Variants in TPTE2 observed in about 807,000 individuals in gnomAD.
TPTE2 encodes transmembrane phosphoinositide 3-phosphatase and tensin homolog 2, also known as phosphatidylinositol 3,4,5-trisphosphate 3-phosphatase TPTE2.
TPTE2 carries 53 observed loss-of-function variants against 78.6 expected under a neutral mutation model. The observed-to-expected ratio is 0.67, with a 90% CI of 0.54 to 0.85. The LOEUF (loss-of-function observed/expected upper bound fraction) is 0.85, where lower values mean the gene tolerates loss of function less well. Ranked by LOEUF, TPTE2 falls within the 40% of genes least tolerant of loss-of-function variation. The pLI, the probability that TPTE2 is intolerant of heterozygous loss-of-function variation, is 0.00. For missense variants in TPTE2, 461 were observed against 623.0 expected (o/e 0.74, Z 2.77); for synonymous variants, 175 against 206.2 (o/e 0.85, Z 1.30).
upstream of TPTE2, among the ~76,000 whole-genome samples, chr13:19,541,440 C>CT (rs1378300183): frequency 6.6e-6 from 1 of 152,106 alleles, no homozygotes; most frequent in African/African-American, 2.4e-5. Context: ...ATCCTAATCA[C>CT]TTTTTTTATT....
At chr13:19,479,711 C>T (rs1002276005) in intron 4 of TPTE2, among the ~76,000 whole-genome samples, 1 of 152,046 alleles carries the variant, frequency 6.6e-6, no homozygotes, top group Non-Finnish European at 1.5e-5. Context: ...CGCCTGTAAT[C>T]CCAGCACTTT....
chr13:19,462,088 C>T (rs937151340), intron 10 of TPTE2, among the ~76,000 whole-genome samples: 9 of 132,444 alleles, frequency 6.8e-5, no homozygotes, highest in Non-Finnish European at 1.0e-4. Flanking sequence ...ATCCTTTGTT[C>T]TTTTCTTCAC....
chr13:19,505,669 A>G (rs1469940651), upstream of TPTE2: 2 of 152,038 alleles, frequency 1.3e-5, no homozygotes, highest in Non-Finnish European at 2.9e-5. Context: ...ATGGTGGTAG[A>G]ACTCTAGAGG....
chr13:19,464,758 T>C (rs896585246), intron 9 of TPTE2, among the ~76,000 whole-genome samples: 1 of 152,250 alleles, frequency 6.6e-6, no homozygotes, highest in Non-Finnish European at 1.5e-5. Context: ...GTATGCCATG[T>C]ACTTATGATG....
intron 10 of TPTE2, among the ~76,000 whole-genome samples, chr13:19,454,764 C>T (rs1218834617): frequency 6.6e-6 from 1 of 152,180 alleles, no homozygotes; most frequent in Non-Finnish European, 1.5e-5. Flanking sequence ...TCTTGATTTA[C>T]ATGCTAAAAG....
chr13:19,560,418 G>C, the TPTE2 span: 3 of 1,609,022 alleles, frequency 1.9e-6, no homozygotes, highest in Non-Finnish European at 2.5e-6. Flanking sequence ...CCAGGACTAA[G>C]TCCTCAGCGA....
upstream of TPTE2, among the ~76,000 whole-genome samples, chr13:19,540,311 G>T (rs202170002): frequency 8.7e-4 from 41 of 47,308 alleles, no homozygotes; most frequent in Non-Finnish European, 2.0e-3. Context: ...TATTATTATG[G>T]TTTTTTTTAA....
intron 15 of TPTE2, among the ~76,000 whole-genome samples, chr13:19,433,868 C>G (rs778672154): frequency 6.6e-6 from 1 of 152,206 alleles, no homozygotes; most frequent in South Asian, 2.1e-4. Context: ...GTTAGGGAAA[C>G]TATGCATGAC....
intron 16 of TPTE2, 95 bp from the exon 20 acceptor site, chr13:19,430,642 T>G: frequency 2.5e-6 from 2 of 798,078 alleles, no homozygotes; most frequent in Middle Eastern, 2.3e-4. Context: ...AGAGAAAAAA[T>G]TATCCAAGCT....
At chr13:19,446,333 G>A (rs1244361036) in intron 13 of TPTE2, among the ~76,000 whole-genome samples, 1 of 152,180 alleles carries the variant, frequency 6.6e-6, no homozygotes, top group Non-Finnish European at 1.5e-5. Context: ...AAGTGTGGTA[G>A]AGAGAACTTA....
At chr13:19,438,983 G>A (rs1877305299) in intron 13 of TPTE2, among the ~76,000 whole-genome samples, 1 of 152,156 alleles carries the variant, frequency 6.6e-6, no homozygotes, top group Non-Finnish European at 1.5e-5. Flanking sequence ...CCCAAGCCTT[G>A]GAGCTCATTT....
upstream of TPTE2, among the ~76,000 whole-genome samples, chr13:19,540,807 C>T (rs1871418015): frequency 6.6e-6 from 1 of 152,126 alleles, no homozygotes; most frequent in Non-Finnish European, 1.5e-5. Context: ...CAAATAAATT[C>T]TGTTAATTCT....
chr13:19,510,760 C>T (rs963329747), intron 1 of TPTE2, among the ~76,000 whole-genome samples: 3 of 152,044 alleles, frequency 2.0e-5, no homozygotes, highest in African/African-American at 7.2e-5. Context: ...AAAAACAACA[C>T]ATGTAAATTA....
intron 17 of TPTE2, among the ~76,000 whole-genome samples, chr13:19,427,380 G>T (rs1876210136): frequency 1.3e-5 from 2 of 152,114 alleles, no homozygotes; most frequent in South Asian, 4.1e-4. Context: ...ACCGTGCCCG[G>T]CCGTGAGGCA....
At chr13:19,479,020 G>T (rs9506044) in intron 4 of TPTE2, among the ~76,000 whole-genome samples, 2 of 151,856 alleles carry the variant, frequency 1.3e-5, no homozygotes, top group African/African-American at 2.4e-5. Flanking sequence ...GGGGTGGGGG[G>T]ATTGGGGAGG....
chr13:19,499,186 A>G (rs1881591999), intron 1 of TPTE2, among the ~76,000 whole-genome samples: 1 of 152,220 alleles, frequency 6.6e-6, no homozygotes, highest in Non-Finnish European at 1.5e-5. Context: ...TTAGACTCCC[A>G]CACATTAATA....
intron 1 of TPTE2, among the ~76,000 whole-genome samples, chr13:19,512,181 T>C (rs550379849): frequency 3.9e-5 from 6 of 152,354 alleles, no homozygotes; most frequent in African/African-American, 1.4e-4. Context: ...TAAAAGGCCA[T>C]GAAATTATTT....
intron 4 of TPTE2, among the ~76,000 whole-genome samples, chr13:19,476,021 C>T (rs572409961): frequency 3.3e-5 from 5 of 152,234 alleles, no homozygotes; most frequent in Non-Finnish European, 7.4e-5. Flanking sequence ...TCAGTTTCCA[C>T]TGCAATAAAA....
rs1180231966 is a variant in TPTE2 at position 19,425,951 on chromosome 13, C to A, written c.1395+474G>T. ...TTTCTAGTCAGTGCTCCCAGCTACT[C>A]GGGAGGCTGAGGTGGGAGGATTGCT... On this transcript the variant is annotated intron_variant, in intron 18 of 19. Coordinates refer to ENST00000400230, the Ensembl canonical transcript of TPTE2. 17 of 446,118 alleles carry A rather than the reference C, an allele frequency of 3.8e-5. 1 individual carries two copies. The highest frequency in any genetic ancestry group is 1.4e-4 in the African/African-American group (7 of 50,114). 27.6% of individuals were successfully genotyped at this position (446,118 alleles called of 1,614,324 possible). A position where few individuals can be genotyped will look rare whatever the true frequency, so the allele number is the denominator to read the frequency against.
Sources: gnomAD v4.1 joint callset for allele counts (sites outside exome capture counted in the v4.1 genomes callset) on GRCh38, gnomAD v4.1.1 for gene constraint, MANE v1.5 for transcripts, NCBI Gene and HGNC (gene_info 2026-07-23, HGNC 2026-07-21) for gene names.